Variants in AOAH observed in about 807,000 individuals in gnomAD.
The protein encoded by AOAH is acyloxyacyl hydrolase.
AOAH carries 64 observed loss-of-function variants against 92.2 expected under a neutral mutation model. That is an observed-to-expected ratio of 0.69 (90% CI 0.57 to 0.86). AOAH has a LOEUF of 0.86. AOAH is among the 40% of genes least tolerant of loss of function. The probability of loss-of-function intolerance (pLI) is 0.00; values close to 1 mark genes in which losing one functional copy is unlikely to be tolerated. For synonymous variants in AOAH, 263 were observed against 254.5 expected (o/e 1.03, Z -0.32); for missense variants, 656 against 694.6 (o/e 0.94, Z 0.62).
intron 13 of AOAH, among the ~76,000 whole-genome samples, chr7:36,557,392 A>T (rs1284689071): frequency 6.6e-6 from 1 of 152,080 alleles, no homozygotes; most frequent in African/African-American, 2.4e-5. Flanking sequence ...GGGTAACCCG[A>T]CCTTTCTCTC....
intron 19 of AOAH, among the ~76,000 whole-genome samples, chr7:36,523,551 G>T (rs1407247949): frequency 6.6e-6 from 1 of 151,088 alleles, no homozygotes; most frequent in Non-Finnish European, 1.5e-5. Flanking sequence ...CTTGCCCTTG[G>T]CCATAGTGTC....
chr7:36,718,084 T>A (rs1259864776), intron 1 of AOAH, among the ~76,000 whole-genome samples: 1 of 152,128 alleles, frequency 6.6e-6, no homozygotes, highest in African/African-American at 2.4e-5. Flanking sequence ...CTATCTAGAA[T>A]ATATGGAGAA....
chr7:36,663,293 A>C (rs534357606), intron 3 of AOAH, among the ~76,000 whole-genome samples: 2 of 152,326 alleles, frequency 1.3e-5, no homozygotes, highest in South Asian at 2.1e-4. Context: ...CTTAAAATTG[A>C]TAAACCCGCA....
At chr7:36,666,343 A>G (rs1015490650) in intron 3 of AOAH, among the ~76,000 whole-genome samples, 1 of 152,106 alleles carries the variant, frequency 6.6e-6, no homozygotes, top group Non-Finnish European at 1.5e-5. Flanking sequence ...AGAATTATTC[A>G]TAATATTTCT....
intron 1 of AOAH, among the ~76,000 whole-genome samples, chr7:36,712,323 T>G (rs1403783063): frequency 6.6e-6 from 1 of 152,196 alleles, no homozygotes; most frequent in East Asian, 1.9e-4. Flanking sequence ...GCATTTTATA[T>G]TTAACCAAAT....
intron 18 of AOAH, 140 bp downstream of exon 18, chr7:36,532,007 G>T: frequency 1.0e-6 from 1 of 972,390 alleles, no homozygotes; most frequent in Non-Finnish European, 1.6e-6. Flanking sequence ...GGCTCCTCAA[G>T]CACCTGGAAG....
At position 36,659,353 on chromosome 7, in the gene AOAH, G is replaced by T. The variant is rs541076775; in HGVS notation, c.291-88C>A. The stretch of plus-strand genomic sequence containing the variant: ...TACTGCAAAGAAAGGTAAATCCCCA[G>T]AATGGATTCTAATACCCTCAACTCC... On this transcript the variant is annotated intron_variant, in intron 3 of 20. Transcript: ENST00000617537. 8.1e-6 allele frequency: 9 copies of T among 1,106,064 alleles called. No individual in the cohort carries two copies. In the African/African-American group the frequency reaches 1.4e-4, roughly 17 times the overall value. 68.5% of individuals were successfully genotyped at this position (1,106,064 alleles called of 1,614,324 possible).
intron 20 of AOAH, chr7:36,514,488 C>CT (rs753020203): frequency 5.2e-6 from 8 of 1,535,622 alleles, no homozygotes; most frequent in Non-Finnish European, 6.1e-6. Flanking sequence ...GTTCTGCTGT[C>CT]GCATGTCAGG....
chr7:36,640,496 C>T (rs1793830489), intron 4 of AOAH, among the ~76,000 whole-genome samples: 1 of 152,176 alleles, frequency 6.6e-6, no homozygotes, highest in South Asian at 2.1e-4. Flanking sequence ...GAGGCCGGGG[C>T]AACAGGGGCT....
intron 2 of AOAH, among the ~76,000 whole-genome samples, chr7:36,684,190 G>A (rs751979540): frequency 2.0e-5 from 3 of 152,138 alleles, no homozygotes; most frequent in East Asian, 1.9e-4. Context: ...GGAAACTATC[G>A]AAGGTTACTG....
In AOAH at chr7:36,648,416, C is replaced by CTT. The variant is rs141353393; in HGVS notation, c.391-10508_391-10507dup. The stretch of plus-strand genomic sequence containing the variant: ...ACCATTTGTTTGTGGCCTTTGCTGA[C>CTT]TTTTTTTTTCTTTTTGATTTTTTTA... On this transcript the variant is annotated intron_variant, in intron 4 of 20. Coordinates refer to ENST00000617537, the MANE Select transcript of AOAH (RefSeq NM_001637.4). 1.1e-3 allele frequency among the ~76,000 whole-genome samples: 173 copies of CTT among 151,318 alleles called. 1 individual carries two copies. The highest frequency in any genetic ancestry group is 4.1e-3 in the African/African-American group (168 of 41,262).
chr7:36,526,432 T>G (rs923607148), intron 19 of AOAH, among the ~76,000 whole-genome samples: 1 of 152,230 alleles, frequency 6.6e-6, no homozygotes, highest in East Asian at 1.9e-4. Context: ...TTTTTTTGTT[T>G]ATCTCAGGAT....
chr7:36,637,713 T>C, intron 5 of AOAH, 138 bp downstream of exon 5: 1 of 767,748 alleles, frequency 1.3e-6, no homozygotes, highest in Non-Finnish European at 2.2e-6. Flanking sequence ...TTCACATTCC[T>C]ACTTCCATCC....
chr7:36,614,285 C>T lies in AOAH; in HGVS notation c.846+2095G>A, dbSNP rs1484506594. Among the ~76,000 whole-genome samples the T allele has an allele frequency of 6.6e-6, 1 of 152,180 alleles. No homozygotes were observed. The highest frequency in any genetic ancestry group is 1.5e-5 in the Non-Finnish European group (1 of 68,042). ...TGATAGGTCCATCCAGAAGTAATGG[C>T]TGTGAGCTGCTATTCCCTGTGCAGT... On this transcript the variant is annotated intron_variant, in intron 11 of 20. Coordinates refer to ENST00000617537, the MANE Select transcript of AOAH (RefSeq NM_001637.4). The surrounding 1 kb of genome is among the most constrained non-coding windows in gnomAD (Gnocchi z 4.2).
chr7:36,659,259 G>T lies in AOAH; in HGVS notation c.297C>A (p.Ser99Arg), dbSNP rs766644181. The T allele has an allele frequency of 6.2e-7, 1 of 1,613,598 alleles. No individual in the cohort carries two copies. The highest frequency in any genetic ancestry group is 1.3e-5 in the African/African-American group (1 of 75,004). The change falls in exon 4 of 21, where the codon AGC (serine) becomes AGA (arginine). Residue 99 changes from serine (S) to arginine (R), a missense_variant. Coordinates refer to ENST00000617537, the MANE Select transcript of AOAH (RefSeq NM_001637.4). Reference sequence around the variant, plus strand: ...ATACCACATCAGCATTCATATCTGCGCTAAGCCTGGAGGGAAACGGTGCAA... The same window carrying T: ...ATACCACATCAGCATTCATATCTGCTCTAAGCCTGGAGGGAAACGGTGCAA... Reference protein sequence around the residue: ...KFGSDIIKLLSADMNADVVCH... With the variant: ...KFGSDIIKLLRADMNADVVCH...
intron 11 of AOAH, among the ~76,000 whole-genome samples, chr7:36,612,304 ATACT>A (rs774910822): frequency 6.6e-6 from 1 of 152,234 alleles, no homozygotes; most frequent in Non-Finnish European, 1.5e-5. Flanking sequence ...TGGCTCATAC[ATACT>A]ATTTTGTAAC....
At chr7:36,590,615 T>C (rs1479672599) in intron 12 of AOAH, among the ~76,000 whole-genome samples, 1 of 152,232 alleles carries the variant, frequency 6.6e-6, no homozygotes, top group East Asian at 1.9e-4. Flanking sequence ...CCTGATGCTT[T>C]CACAAGGCAC....
At chr7:36,695,481 A>G (rs1335373509) in intron 1 of AOAH, among the ~76,000 whole-genome samples, 2 of 152,138 alleles carry the variant, frequency 1.3e-5, no homozygotes, top group East Asian at 3.9e-4. Context: ...AATCTTCACA[A>G]TGTTCTCATA....
intron 13 of AOAH, among the ~76,000 whole-genome samples, chr7:36,555,113 C>CAG: frequency 6.7e-6 from 1 of 148,870 alleles, no homozygotes; most frequent in East Asian, 2.0e-4. Flanking sequence ...ATGATATTGG[C>CAG]TGTGGGTTTG....
Sources: gnomAD v4.1 joint callset for allele counts (sites outside exome capture counted in the v4.1 genomes callset) on GRCh38, gnomAD v4.1.1 for gene constraint, Gnocchi (gnomAD v3.1) non-coding constraint, MANE v1.5 for transcripts, NCBI Gene and HGNC (gene_info 2026-07-23, HGNC 2026-07-21) for gene names.